The following DACT3 variants were observed in gnomAD, a reference collection of about 807,000 sequenced individuals.
DACT3 encodes dishevelled binding antagonist of beta catenin 3, also known as dapper homolog 3.
A neutral mutation model predicts 19.6 loss-of-function variants in DACT3; 5 were observed. The observed-to-expected ratio is 0.26, with a 90% CI of 0.13 to 0.54. The LOEUF is 0.54. Among genes scored for constraint, DACT3 ranks in the 20% least tolerant of loss-of-function variants. The pLI is 0.95. For missense variants in DACT3, 908 were observed against 927.4 expected, an observed-to-expected ratio of 0.98 and a Z score of 0.27; for synonymous variants, 454 against 428.1, an observed-to-expected ratio of 1.06 and a Z score of -0.75.
Position 46,649,408 on chromosome 19 carries a change from G to A in DACT3, c.964C>T (p.Arg322Cys). 1 of 1,282,806 alleles carries A rather than the reference G, an allele frequency of 7.8e-7. No individual in the cohort carries two copies. 79.5% of individuals were successfully genotyped at this position (1,282,806 alleles called of 1,614,324 possible). The change falls in exon 4 of 4, where the codon CGC (arginine) becomes TGC (cysteine). Residue 322 changes from arginine (R) to cysteine (C), a missense_variant. This residue lies in a region of DACT3 where 656 missense variants were observed against 601.8 expected (regional missense o/e 1.09). Coordinates refer to ENST00000391916, the MANE Select transcript of DACT3 (RefSeq NM_145056.3). ...GHPTSPAALSRAWASSWESEA... is the reference protein window; with the variant it reads ...GHPTSPAALSCAWASSWESEA... Reference sequence around the variant, plus strand: ...GACTCCCACGACGACGCCCAGGCGCGGCTCAAGGCGGCAGGGCTGGTGGGG... The same window carrying A: ...GACTCCCACGACGACGCCCAGGCGCAGCTCAAGGCGGCAGGGCTGGTGGGG...
chr19:46,649,981 C>A (rs1249127951), intron 3 of DACT3, 109 bp from the exon 4 acceptor site: 1 of 1,211,720 alleles, frequency 8.3e-7, no homozygotes, highest in African/African-American at 1.6e-5. Context: ...TCCCTCCCTT[C>A]CATCCTCATC....
At chr19:46,655,173 TC>T in intron 1 of DACT3, 1 of 477,332 alleles carries the variant, frequency 2.1e-6, no homozygotes, top group Non-Finnish European at 2.7e-6. Context: ...GGAGAATGTT[TC>T]CCCCACATAC....
chr19:46,656,038 G>T (rs2053031701), intron 1 of DACT3, among the ~76,000 whole-genome samples: 1 of 135,734 alleles, frequency 7.4e-6, no homozygotes. Context: ...GTATATATAT[G>T]AAATTTATTT....
In DACT3 at chr19:46,649,498, C is replaced by A. The variant is rs748858897; in HGVS notation, c.874G>T (p.Ala292Ser). 1,431 of 1,111,922 alleles carry A rather than the reference C, an allele frequency of 1.3e-3. 2 individuals are homozygous for A. The highest frequency in any genetic ancestry group is 1.5e-3 in the Non-Finnish European group (1,360 of 913,498). The allele number at this position is 1,111,922 out of a possible 1,614,324, so 68.9% of individuals were successfully genotyped here. ...CGCGCGCTGCCGGGGGACGGAGACG[C>A]GTCGGGCGGCCGCTGGCGCACGCTG... The part of the protein sequence containing the change: ...QNSVRQRPPD[A>S]SPSPGSARPA... The change falls in exon 4 of 4, where the codon GCG becomes TCG. Residue 292 changes from alanine (A) to serine (S), a missense_variant. Physicochemically the swap from Ala to Ser is moderately conservative, Grantham distance 99 (BLOSUM62 1). Around this residue, in one of 2 missense-constraint regions of DACT3, gnomAD observed 656 missense variants for 601.8 expected, o/e 1.09. Coordinates refer to ENST00000391916, the MANE Select transcript of DACT3 (RefSeq NM_145056.3).
Position 46,652,696 on chromosome 19 carries a change from G to T in DACT3, c.463C>A (p.Arg155=). The change falls in exon 3 of 4, where the codon CGG becomes AGG. Residue 155 remains arginine (R), a synonymous_variant. Transcript: ENST00000391916. ...GGCCTCTCACTGGCATAGATGCCCCGGGGCTCAGAGGGACCCAGGCGACCA... is the reference window on the plus strand; with the variant it reads ...GGCCTCTCACTGGCATAGATGCCCCTGGGCTCAGAGGGACCCAGGCGACCA... ...SYGRLGPSEP[R]GIYASERPKS... is the part of the protein sequence containing the mutation. 1 of 1,551,426 alleles carries T rather than the reference G, an allele frequency of 6.4e-7. No individual in the cohort carries two copies.
At position 46,660,582 on chromosome 19, in the gene DACT3, T is replaced by A. The variant is rs2053067596; in HGVS notation, c.249+234A>T. On this transcript the variant is annotated intron_variant, in intron 1 of 3. Coordinates refer to ENST00000391916, the MANE Select transcript of DACT3 (RefSeq NM_145056.3). The surrounding 1 kb of genome is among the most constrained non-coding windows in gnomAD (Gnocchi z 4.9). ...GGGAAGGGGTGTAAGAGACAGGGCCTGTGTTTCTCACGAGGCCCCAGTGGG... is the reference window on the plus strand; with the variant it reads ...GGGAAGGGGTGTAAGAGACAGGGCCAGTGTTTCTCACGAGGCCCCAGTGGG... Among the ~76,000 whole-genome samples, 1 of 152,056 alleles carries A rather than the reference T, an allele frequency of 6.6e-6. No homozygotes were observed. Among genetic ancestry groups the A allele is most frequent in the African/African-American group, 2.4e-5 (1 of 41,404 alleles).
Position 46,652,586 on chromosome 19 carries a change from C to T in DACT3, c.499+74G>A, listed in dbSNP as rs147960752. The stretch of plus-strand genomic sequence containing the variant: ...CTGGAATTGGAATCCAGGCCCGATT[C>T]GGAAGTCTGTGCCCACAACCATCCT... On this transcript the variant is annotated intron_variant, in intron 3 of 3. Coordinates refer to ENST00000391916, the MANE Select transcript of DACT3 (RefSeq NM_145056.3). The T allele has an allele frequency of 2.1e-4, 311 of 1,464,344 alleles. No individual in the cohort carries two copies. The African/African-American group carries it at 3.0e-3, about 14-fold the overall frequency. 90.7% of individuals were successfully genotyped at this position (1,464,344 alleles called of 1,614,324 possible).
intron 3 of DACT3, chr19:46,650,100 T>G: frequency 8.0e-6 from 2 of 250,498 alleles, no homozygotes; most frequent in Non-Finnish European, 1.5e-5. Flanking sequence ...CCTCTGCCTC[T>G]CCAACTCTCA....
At chr19:46,654,993 A>G in intron 1 of DACT3, 2 of 985,416 alleles carry the variant, frequency 2.0e-6, no homozygotes, top group Non-Finnish European at 2.4e-6. Context: ...AGCGGAACTC[A>G]AAAAAGCAGC....
Position 46,649,068 on chromosome 19 carries a change from G to C in DACT3, c.1304C>G (p.Ser435Cys). Reference sequence around the variant, plus strand: ...CTTAGGGGGCCCCGAAGGGACCGCGGAGGCGCGGCCCAGCAGGCTGGTCTC... The same window carrying C: ...CTTAGGGGGCCCCGAAGGGACCGCGCAGGCGCGGCCCAGCAGGCTGGTCTC... Reference protein sequence around the residue: ...QSETSLLGRASAVPSGPPKYP... With the variant: ...QSETSLLGRACAVPSGPPKYP... Residue 435 changes from serine (S) to cysteine (C), a missense_variant, in exon 4 of 4, where the codon TCC becomes TGC. By Grantham distance (112) the Ser-to-Cys change is moderately radical. Around this residue, in one of 2 missense-constraint regions of DACT3, gnomAD observed 656 missense variants for 601.8 expected, o/e 1.09. Transcript: ENST00000391916. 7.7e-7 allele frequency: 1 copy of C among 1,293,434 alleles called. No individual in the cohort carries two copies. The highest frequency in any genetic ancestry group is 9.8e-7 in the Non-Finnish European group (1 of 1,023,336). The allele number at this position is 1,293,434 out of a possible 1,614,324, so 80.1% of individuals were successfully genotyped here.
chr19:46,654,015 C>G, intron 1 of DACT3: 1 of 985,402 alleles, frequency 1.0e-6, no homozygotes, highest in Non-Finnish European at 1.2e-6. Context: ...TCTTTGCTCT[C>G]CCTTCAGAAA....
rs1432349033 is a variant in DACT3, at chr19:46,648,751, C to T, written c.1621G>A (p.Val541Ile). ...TCGCTCTCCCCGTAACCCCCGCCGA[C>T]GCCTCCCGCAGGCCCCCGGCGTCCC... ...PLGRRGPAGG[V>I]GGGYGESESS... Residue 541 changes from valine to isoleucine, a missense_variant, in exon 4 of 4, where the codon GTC (valine) becomes ATC (isoleucine). Transcript: ENST00000391916. The surrounding 1 kb of genome is among the most constrained non-coding windows in gnomAD (Gnocchi z 5.1). The T allele has an allele frequency of 2.5e-6, 4 of 1,578,970 alleles. No individual in the cohort carries two copies.
Position 46,648,305 on chromosome 19 carries a change from C to T in DACT3, c.*177G>A, listed in dbSNP as rs191495834. 4 of 1,081,216 alleles carry T rather than the reference C, an allele frequency of 3.7e-6. No individual in the cohort carries two copies. The East Asian group carries it at 7.3e-5, about 20-fold the overall frequency. The allele number at this position is 1,081,216 out of a possible 1,614,324, so 67.0% of individuals were successfully genotyped here. On this transcript the variant is annotated 3_prime_UTR_variant, in exon 4 of 4. Transcript: ENST00000391916. The surrounding 1 kb of genome is among the most constrained non-coding windows in gnomAD (Gnocchi z 5.1). ...GGTCAAACAGGGCTCCTCCCCATTCCTCTCGGTGGTGGTGGGGGAGCCTTT... is the reference window on the plus strand; with the variant it reads ...GGTCAAACAGGGCTCCTCCCCATTCTTCTCGGTGGTGGTGGGGGAGCCTTT...
At position 46,648,821 on chromosome 19, in the gene DACT3, G is replaced by A. The variant is rs2052946094; in HGVS notation, c.1551C>T (p.Cys517=). The change falls in exon 4 of 4, where the codon TGC becomes TGT. Residue 517 remains cysteine, a synonymous_variant. Coordinates refer to ENST00000391916, the MANE Select transcript of DACT3 (RefSeq NM_145056.3). This position sits in a 1 kb window ranked among gnomAD's most constrained non-coding sequence, Gnocchi z 5.1. Reference sequence around the variant, plus strand: ...CCGAGCACTCGGAGTCGCTGCCCGCGCAGCCGTAAAGCAGACGACGCTGGG... The same window carrying A: ...CCGAGCACTCGGAGTCGCTGCCCGCACAGCCGTAAAGCAGACGACGCTGGG... ...SAPQRRLLYG[C]AGSDSECSAG... 2.6e-6 allele frequency: 4 copies of A among 1,522,408 alleles called. No individual in the cohort carries two copies. The highest frequency in any genetic ancestry group is 1.4e-5 in the African/African-American group (1 of 72,066). 94.3% of individuals were successfully genotyped at this position (1,522,408 alleles called of 1,614,324 possible).
At chr19:46,650,100 T>A in intron 3 of DACT3, 3 of 250,496 alleles carry the variant, frequency 1.2e-5, no homozygotes, top group Non-Finnish European at 2.2e-5. Context: ...CCTCTGCCTC[T>A]CCAACTCTCA....
Position 46,649,413 on chromosome 19 carries a change from A to C in DACT3, c.959T>G (p.Leu320Trp). The part of the protein sequence containing the change: ...VGGHPTSPAA[L>W]SRAWASSWES... The stretch of plus-strand genomic sequence containing the variant: ...CCACGACGACGCCCAGGCGCGGCTC[A>C]AGGCGGCAGGGCTGGTGGGGTGGCC... The change falls in exon 4 of 4, where the codon TTG (leucine) becomes TGG (tryptophan). Residue 320 changes from leucine to tryptophan, a missense_variant. By Grantham distance (61) the Leu-to-Trp change is moderately conservative. Transcript: ENST00000391916. The C allele has an allele frequency of 2.3e-6, 3 of 1,283,164 alleles. No individual in the cohort carries two copies. Among genetic ancestry groups the C allele is most frequent in the Non-Finnish European group, 3.0e-6 (3 of 1,005,168 alleles). The allele number at this position is 1,283,164 out of a possible 1,614,324, so 79.5% of individuals were successfully genotyped here. A position where few individuals can be genotyped will look rare whatever the true frequency, so the allele number is the denominator to read the frequency against.
Position 46,649,344 on chromosome 19 carries a change from G to T in DACT3, c.1028C>A (p.Pro343His). ...APEPAAPPAA[P>H]SPPDSPAEGR... is the part of the protein sequence containing the mutation. ...CTCAGCCGGGCTGTCGGGGGGTGAG[G>T]GGGCGGCGGGCGGCGCAGCGGGCTC... is the stretch of plus-strand genomic sequence containing the variant. The change falls in exon 4 of 4, where the codon CCC (proline) becomes CAC (histidine). Residue 343 changes from proline (P) to histidine (H), a missense_variant. This residue lies in a region of DACT3 where 656 missense variants were observed against 601.8 expected (regional missense o/e 1.09). Transcript: ENST00000391916. 4.0e-6 allele frequency: 5 copies of T among 1,242,792 alleles called. No individual in the cohort carries two copies. Among genetic ancestry groups the T allele is most frequent in the South Asian group, 4.7e-5 (2 of 42,862 alleles). 77.0% of individuals were successfully genotyped at this position (1,242,792 alleles called of 1,614,324 possible). A position where few individuals can be genotyped will look rare whatever the true frequency, so the allele number is the denominator to read the frequency against.
intron 1 of DACT3, among the ~76,000 whole-genome samples, chr19:46,657,346 C>CTTTTTTT (rs71177239): frequency 1.0e-4 from 7 of 69,388 alleles, no homozygotes; most frequent in East Asian, 4.1e-4. Context: ...AAATGAGTTT[C>CTTTTTTT]TTTTTTTTTT....
In DACT3 at chr19:46,649,874, T is replaced by C; in HGVS notation, c.500-2A>G. On this transcript the variant is annotated splice_acceptor_variant, in intron 3 of 3. Coordinates refer to ENST00000391916, the MANE Select transcript of DACT3 (RefSeq NM_145056.3). LOFTEE classifies it high-confidence loss of function. ...CCGGAGCGCTGGGACTGGCGTCTCC[T>C]AGGGAAGGAAGGCCAAAAAAAAAAA... 1 of 1,344,030 alleles carries C rather than the reference T, an allele frequency of 7.4e-7. No homozygotes were observed. Among genetic ancestry groups the C allele is most frequent in the South Asian group, 1.6e-5 (1 of 61,254 alleles). 83.3% of individuals were successfully genotyped at this position (1,344,030 alleles called of 1,614,324 possible).
Sources: gnomAD v4.1 joint callset for allele counts (sites outside exome capture counted in the v4.1 genomes callset) on GRCh38, gnomAD v4.1.1 for gene constraint, gnomAD v4.1.1 regional missense constraint, Gnocchi (gnomAD v3.1) non-coding constraint, MANE v1.5 for transcripts, NCBI Gene and HGNC (gene_info 2026-07-23, HGNC 2026-07-21) for gene names.